PCED1B: variants seen among roughly 807,000 people sequenced by gnomAD.
The protein encoded by PCED1B is PC-esterase domain containing 1B, also known as PC-esterase domain-containing protein 1B.
For synonymous variants in PCED1B, 251 were observed against 246.1 expected, an observed-to-expected ratio of 1.02 and a Z score of -0.19; for missense variants, 573 against 573.9, an observed-to-expected ratio of 1.00 and a Z score of 0.02.
chr12:47,207,536 C>A (rs921315806), intron 2 of PCED1B, among the ~76,000 whole-genome samples: 1 of 152,222 alleles, frequency 6.6e-6, no homozygotes, highest in Admixed American at 6.5e-5. Context: ...GGCACGTGGG[C>A]AGGCAGAGCT....
intron 1 of PCED1B, among the ~76,000 whole-genome samples, chr12:47,080,147 T>C (rs777309453): frequency 1.3e-5 from 2 of 150,454 alleles, no homozygotes; most frequent in African/African-American, 4.9e-5. Flanking sequence ...GGGGCAGGGG[T>C]CCACACCAGA....
At chr12:47,139,418 C>T (rs901840066) in intron 2 of PCED1B, among the ~76,000 whole-genome samples, 1 of 152,072 alleles carries the variant, frequency 6.6e-6, no homozygotes, top group Non-Finnish European at 1.5e-5. Context: ...AAAGGGAGTA[C>T]ACCATGTGCA....
At chr12:47,181,974 G>C (rs1356970639) in intron 2 of PCED1B, among the ~76,000 whole-genome samples, 1 of 152,152 alleles carries the variant, frequency 6.6e-6, no homozygotes, top group African/African-American at 2.4e-5. Flanking sequence ...TAATGGAAAG[G>C]CTGAAGGCTT....
intron 2 of PCED1B, among the ~76,000 whole-genome samples, chr12:47,144,177 C>T (rs1940700638): frequency 6.6e-6 from 1 of 152,160 alleles, no homozygotes; most frequent in Non-Finnish European, 1.5e-5. Context: ...TTGAGCCACA[C>T]CTGGTCCCAC....
intron 2 of PCED1B, among the ~76,000 whole-genome samples, chr12:47,148,268 C>T (rs1233550070): frequency 6.6e-6 from 1 of 152,272 alleles, no homozygotes; most frequent in East Asian, 1.9e-4. Flanking sequence ...TTTCTTAATA[C>T]CATCCCAATG....
intron 1 of PCED1B, among the ~76,000 whole-genome samples, chr12:47,087,147 C>A (rs768012353): frequency 6.6e-6 from 1 of 152,162 alleles, no homozygotes; most frequent in Non-Finnish European, 1.5e-5. Context: ...CAGTTTGTGA[C>A]AGTGAAAAGA....
chr12:47,146,865 A>G (rs893561949), intron 2 of PCED1B, among the ~76,000 whole-genome samples: 2 of 152,218 alleles, frequency 1.3e-5, no homozygotes, highest in Non-Finnish European at 2.9e-5. Context: ...TGATTAAAAC[A>G]TGACTGTAAT....
intron 2 of PCED1B, among the ~76,000 whole-genome samples, chr12:47,150,460 C>T (rs1938258031): frequency 6.6e-6 from 1 of 151,768 alleles, no homozygotes. Context: ...TGCCTGTAGT[C>T]CCAGCTACTA....
chr12:47,175,956 G>A (rs1003142151), intron 2 of PCED1B, among the ~76,000 whole-genome samples: 11 of 150,680 alleles, frequency 7.3e-5, no homozygotes, highest in South Asian at 4.2e-4. Context: ...GAACTCCTGG[G>A]CTTAAGCCAT....
chr12:47,199,415 TG>T (rs942332464), intron 2 of PCED1B, among the ~76,000 whole-genome samples: 7 of 152,106 alleles, frequency 4.6e-5, no homozygotes, highest in Non-Finnish European at 8.8e-5. Context: ...TATAAGAAAA[TG>T]CAAAAGACCC....
rs59140565 is a variant in PCED1B, at chr12:47,218,669, CTT to C, written c.-58+1997_-58+1998del. 4.7e-3 allele frequency among the ~76,000 whole-genome samples: 606 copies of C among 128,352 alleles called. 6 individuals are homozygous for C. Among genetic ancestry groups the C allele is most frequent in the African/African-American group, 0.015 (488 of 33,498 alleles). The allele number at this position is 128,352 out of a possible 152,430, so 84.2% of individuals were successfully genotyped here. A position where few individuals can be genotyped will look rare whatever the true frequency, so the allele number is the denominator to read the frequency against. ...ATCCTGATCATTTTTAATTTTTTTT[CTT>C]TTTTTTTTTTTTTTTTAGAGACAGA... On this transcript the variant is annotated intron_variant, in intron 3 of 3. Coordinates refer to ENST00000546455, the MANE Select transcript of PCED1B (RefSeq NM_138371.3).
At chr12:47,104,693 A>T (rs1172554304) in intron 2 of PCED1B, among the ~76,000 whole-genome samples, 1 of 152,050 alleles carries the variant, frequency 6.6e-6, no homozygotes, top group Non-Finnish European at 1.5e-5. Context: ...CTTTCACCAA[A>T]CCTCTTCTAA....
chr12:47,101,159 A>T (rs1387436211), intron 1 of PCED1B, among the ~76,000 whole-genome samples: 7 of 152,182 alleles, frequency 4.6e-5, no homozygotes, highest in African/African-American at 1.7e-4. Flanking sequence ...ATCACCTAGG[A>T]TACTTGATAT....
chr12:47,087,858 C>A (rs1407498669), intron 1 of PCED1B, among the ~76,000 whole-genome samples: 1 of 152,158 alleles, frequency 6.6e-6, no homozygotes, highest in Admixed American at 6.5e-5. Context: ...TTATCTGTGG[C>A]ACTCGCAATA....
At chr12:47,211,967 T>C (rs1159215333) in intron 2 of PCED1B, among the ~76,000 whole-genome samples, 2 of 147,740 alleles carry the variant, frequency 1.4e-5, no homozygotes, top group Admixed American at 6.8e-5. Flanking sequence ...CCCAGCTACT[T>C]GGGAGGCTGA....
intron 2 of PCED1B, among the ~76,000 whole-genome samples, chr12:47,211,943 C>T (rs1943099930): frequency 2.6e-5 from 4 of 150,946 alleles, no homozygotes; most frequent in Admixed American, 6.6e-5. Flanking sequence ...GGCGTAGTGG[C>T]GGGCGCCTGT....
At chr12:47,113,667 G>A (rs1444721667) in intron 2 of PCED1B, among the ~76,000 whole-genome samples, 1 of 152,018 alleles carries the variant, frequency 6.6e-6, no homozygotes, top group African/African-American at 2.4e-5. Context: ...AACCATATAT[G>A]TCCAAAGTGT....
chr12:47,082,880 TGCG>T (rs1217756131), intron 1 of PCED1B, among the ~76,000 whole-genome samples: 1 of 151,882 alleles, frequency 6.6e-6, no homozygotes, highest in Non-Finnish European at 1.5e-5. Context: ...TAAAATAGGA[TGCG>T]ATAGATATTC....
chr12:47,153,355 C>CAAAAAAAAAAA (rs11299918), intron 2 of PCED1B, among the ~76,000 whole-genome samples: 2 of 95,272 alleles, frequency 2.1e-5, no homozygotes, highest in Non-Finnish European at 4.1e-5. Flanking sequence ...GACTCCTTCT[C>CAAAAAAAAAAA]AAAAAAAAAA....
Sources: allele counts gnomAD v4.1 joint callset (sites outside exome capture counted in the v4.1 genomes callset), GRCh38; gene constraint gnomAD v4.1.1; transcripts MANE v1.5; gene names NCBI Gene and HGNC (gene_info 2026-07-23, HGNC 2026-07-21).